The following LRIG2 variants were observed in gnomAD, a reference collection of about 807,000 sequenced individuals.
LRIG2 encodes the protein leucine-rich repeats and immunoglobulin-like domains protein 2.
Under a neutral mutation model 107.8 loss-of-function variants are expected in LRIG2, and 93 were observed. The observed-to-expected ratio is 0.86, with a 90% CI of 0.73 to 1.03. LRIG2 has a LOEUF of 1.03. Among genes scored for constraint, LRIG2 ranks in the 50% least tolerant of loss-of-function variants. The pLI is 0.00. For missense variants in LRIG2, 1,226 were observed against 1,296.0 expected, an observed-to-expected ratio of 0.95 and a Z score of 0.83; for synonymous variants, 471 against 470.6, an observed-to-expected ratio of 1.00 and a Z score of -0.01.
At chr1:113,089,684 T>TTTTC (rs958306154) in intron 1 of LRIG2, among the ~76,000 whole-genome samples, 1 of 133,684 alleles carries the variant, frequency 7.5e-6, no homozygotes, top group African/African-American at 2.9e-5. Context: ...TGCTTTTTTT[T>TTTTC]TTTTTTTTTT....
chr1:113,114,912 T>A, intron 15 of LRIG2, 36 bp downstream of exon 15: 1 of 1,497,812 alleles, frequency 6.7e-7, no homozygotes, highest in South Asian at 1.2e-5. Context: ...TGGCTTGTAC[T>A]TCAGTCAAGA....
intron 15 of LRIG2, 79 bp from the exon 16 acceptor site, chr1:113,116,208 G>A (rs1655001218): frequency 7.9e-7 from 1 of 1,267,324 alleles, no homozygotes; most frequent in Non-Finnish European, 1.1e-6. Context: ...GTATCAAAGT[G>A]GAACACATTT....
intron 12 of LRIG2, among the ~76,000 whole-genome samples, chr1:113,108,585 A>T (rs568023236): frequency 1.1e-4 from 16 of 150,636 alleles, no homozygotes; most frequent in Admixed American, 3.3e-4. Context: ...TTACACTTAA[A>T]TGTCCTTTAG....
At chr1:113,106,464 T>A (rs1654544019) in intron 11 of LRIG2, among the ~76,000 whole-genome samples, 2 of 152,064 alleles carry the variant, frequency 1.3e-5, no homozygotes, top group South Asian at 4.1e-4. Flanking sequence ...GTGCTCTTAG[T>A]TTAGATTGCA....
intron 12 of LRIG2, among the ~76,000 whole-genome samples, chr1:113,108,613 A>AG (rs1654639266): frequency 1.3e-5 from 2 of 151,286 alleles, no homozygotes; most frequent in Admixed American, 6.6e-5. Context: ...ACTGTGGCTC[A>AG]CACCTGTAAT....
rs372017123 is a variant in LRIG2 at position 113,082,381 on chromosome 1, G to A, written c.239+8736G>A. Among the ~76,000 whole-genome samples the A allele has an allele frequency of 3.5e-4, 53 of 152,258 alleles. 1 individual carries two copies. The South Asian group carries it at 0.011, about 32-fold the overall frequency. ...CTTGGTTGTTACACAATTATACCCT[G>A]GTGTATTAGTCTCTTGCACTGCTAT... On this transcript the variant is annotated intron_variant, in intron 1 of 17. Coordinates refer to ENST00000361127, the MANE Select transcript of LRIG2 (RefSeq NM_014813.3).
intron 14 of LRIG2, among the ~76,000 whole-genome samples, chr1:113,113,530 T>A (rs974977207): frequency 2.3e-4 from 2 of 8,742 alleles, no homozygotes; most frequent in African/African-American, 3.5e-4. Context: ...AAGAAGTCAT[T>A]TATTTATTTA....
chr1:113,105,912 G>A (rs1390492405), intron 11 of LRIG2, among the ~76,000 whole-genome samples: 1 of 152,186 alleles, frequency 6.6e-6, no homozygotes, highest in Non-Finnish European at 1.5e-5. Context: ...GTTGAACAAT[G>A]TAAGTCAATT....
chr1:113,085,004 T>C (rs1001832701), intron 1 of LRIG2, among the ~76,000 whole-genome samples: 3 of 152,200 alleles, frequency 2.0e-5, no homozygotes, highest in Non-Finnish European at 2.9e-5. Context: ...AATTATTGAT[T>C]TCATGTTTGG....
chr1:113,086,765 A>G (rs1326611108), intron 1 of LRIG2, among the ~76,000 whole-genome samples: 2 of 152,216 alleles, frequency 1.3e-5, no homozygotes, highest in African/African-American at 2.4e-5. Flanking sequence ...TATTACAGCT[A>G]CATCCTTGTA....
chr1:113,085,885 A>C (rs752533710), intron 1 of LRIG2, among the ~76,000 whole-genome samples: 16 of 152,136 alleles, frequency 1.1e-4, no homozygotes, highest in Non-Finnish European at 1.9e-4. Context: ...AAGAGCAGAC[A>C]ATTTTCAGAG....
In LRIG2 at chr1:113,124,196, C is replaced by A; in HGVS notation, c.*95C>A. On this transcript the variant is annotated 3_prime_UTR_variant, in exon 18 of 18. Coordinates refer to ENST00000361127, the MANE Select transcript of LRIG2 (RefSeq NM_014813.3). ...GAAGAAACTCCGAAGTCAGCATTTG[C>A]TTTACTCTTTCTTTATGATTGCATC... The A allele has an allele frequency of 9.3e-7, 1 of 1,076,284 alleles. No homozygotes were observed. The highest frequency in any genetic ancestry group is 1.4e-5 in the South Asian group (1 of 69,450). 66.7% of individuals were successfully genotyped at this position (1,076,284 alleles called of 1,614,324 possible). A position where few individuals can be genotyped will look rare whatever the true frequency, so the allele number is the denominator to read the frequency against.
At chr1:113,080,051 T>C (rs1210412127) in intron 1 of LRIG2, among the ~76,000 whole-genome samples, 1 of 134,270 alleles carries the variant, frequency 7.4e-6, no homozygotes, top group Non-Finnish European at 1.6e-5. Flanking sequence ...AGACGGAATC[T>C]TGCTCTGTCG....
At chr1:113,105,317 A>G (rs1654489370) in intron 11 of LRIG2, among the ~76,000 whole-genome samples, 1 of 152,142 alleles carries the variant, frequency 6.6e-6, no homozygotes, top group African/African-American at 2.4e-5. Flanking sequence ...TTCTCTCAAC[A>G]AATGTGTGGA....
chr1:113,098,015 A>G (rs1361926747), intron 8 of LRIG2, among the ~76,000 whole-genome samples: 1 of 152,228 alleles, frequency 6.6e-6, no homozygotes, highest in African/African-American at 2.4e-5. Context: ...TTATTATGAG[A>G]TGACTTAAGG....
Position 113,119,506 on chromosome 1 carries a change from C to G in LRIG2, c.2954C>G (p.Ser985Cys). The G allele has an allele frequency of 6.2e-7, 1 of 1,614,020 alleles. No individual in the cohort carries two copies. The highest frequency in any genetic ancestry group is 8.5e-7 in the Non-Finnish European group (1 of 1,179,956). Residue 985 changes from serine to cysteine, a missense_variant, in exon 17 of 18, where the codon TCC becomes TGC. By Grantham distance (112) the Ser-to-Cys change is moderately radical (BLOSUM62 -1). Transcript: ENST00000361127. ...AGGATAAGTGAGAAGAAACTTCCCT[C>G]CACACAGATGAGCGGTGGTAAGGGA... ...HERISEKKLPSTQMSGETLQR... is the reference protein window; with the variant it reads ...HERISEKKLPCTQMSGETLQR...
chr1:113,118,963 A>G (rs1655129481), intron 16 of LRIG2, among the ~76,000 whole-genome samples: 1 of 152,148 alleles, frequency 6.6e-6, no homozygotes, highest in Non-Finnish European at 1.5e-5. Flanking sequence ...CGCACCCGGT[A>G]GCGGTATGAC....
intron 17 of LRIG2, among the ~76,000 whole-genome samples, chr1:113,122,820 C>T (rs997169190): frequency 6.6e-6 from 1 of 152,214 alleles, no homozygotes; most frequent in African/African-American, 2.4e-5. Flanking sequence ...TTAACAAGAT[C>T]CTCAAGTTAT....
intron 1 of LRIG2, among the ~76,000 whole-genome samples, chr1:113,081,295 T>G (rs1466430717): frequency 2.0e-5 from 3 of 152,220 alleles, no homozygotes; most frequent in Non-Finnish European, 4.4e-5. Flanking sequence ...CATTAGATAG[T>G]TACTAAATAT....
Sources: gnomAD v4.1 joint callset for allele counts (sites outside exome capture counted in the v4.1 genomes callset) on GRCh38, gnomAD v4.1.1 for gene constraint, MANE v1.5 for transcripts, NCBI Gene and HGNC (gene_info 2026-07-23, HGNC 2026-07-21) for gene names.